Variants in FERMT1 observed in about 807,000 individuals in gnomAD.
FERMT1 encodes FERM domain containing kindlin 1.
A neutral mutation model predicts 85.3 loss-of-function variants in FERMT1; 60 were observed. That is an observed-to-expected ratio of 0.70 (90% CI 0.57 to 0.87). FERMT1 has a LOEUF of 0.87. FERMT1 is among the 40% of genes least tolerant of loss of function. FERMT1 has a pLI of 0.00. For synonymous variants in FERMT1, 275 were observed against 301.1 expected (o/e 0.91, Z 0.90); for missense variants, 701 against 818.9 (o/e 0.86, Z 1.76).
chr20:6,117,590 T>C (rs190049584), intron 2 of FERMT1, among the ~76,000 whole-genome samples: 1 of 152,286 alleles, frequency 6.6e-6, no homozygotes, highest in East Asian at 1.9e-4. Flanking sequence ...CGCACCACCA[T>C]GCCCAGCTAA....
chr20:6,094,861 T>C, intron 9 of FERMT1, 78 bp downstream of exon 9: 1 of 862,114 alleles, frequency 1.2e-6, no homozygotes. Context: ...CTCAGGGATA[T>C]ATAATTTAAA....
In FERMT1 at chr20:6,110,308, G is replaced by T. The variant is rs748202247; in HGVS notation, c.736C>A (p.Leu246Ile). 19 of 1,612,370 alleles carry T rather than the reference G, an allele frequency of 1.2e-5. No individual in the cohort carries two copies. In the East Asian group the frequency reaches 4.0e-4, roughly 34 times the overall value. Residue 246 changes from leucine (L) to isoleucine (I), a missense_variant, in exon 5 of 15, where the codon CTC becomes ATC. Coordinates refer to ENST00000217289, the MANE Select transcript of FERMT1 (RefSeq NM_017671.5). ...QPRSLVDKAK[L>I]NAGWLDSSRS... Reference sequence around the variant, plus strand: ...GAGCCGTGTCCTTACCCTGCATTGAGCTTGGCTTTATCAACCAGAGACCGA... The same window carrying T: ...GAGCCGTGTCCTTACCCTGCATTGATCTTGGCTTTATCAACCAGAGACCGA...
Position 6,076,767 on chromosome 20 carries a change from A to G in FERMT1, c.*406T>C. On this transcript the variant is annotated 3_prime_UTR_variant, in exon 15 of 15. Coordinates refer to ENST00000217289, the MANE Select transcript of FERMT1 (RefSeq NM_017671.5). ...TTCATACCTGAGTTTGTGAAATAAG[A>G]GTTGTTCTTGCTACACGTGATTTTT... The G allele has an allele frequency of 6.0e-6, 2 of 334,988 alleles. No individual in the cohort carries two copies. Among genetic ancestry groups the G allele is most frequent in the Non-Finnish European group, 1.2e-5 (2 of 171,960 alleles). 20.8% of individuals were successfully genotyped at this position (334,988 alleles called of 1,614,324 possible). A position where few individuals can be genotyped will look rare whatever the true frequency, so the allele number is the denominator to read the frequency against.
chr20:6,085,740 C>T (rs1982161367), intron 11 of FERMT1, among the ~76,000 whole-genome samples: 1 of 151,886 alleles, frequency 6.6e-6, no homozygotes, highest in African/African-American at 2.4e-5. Context: ...ATCCCAGCTA[C>T]TTGGGAGGCT....
At chr20:6,117,840 T>C (rs1381713829) in intron 2 of FERMT1, among the ~76,000 whole-genome samples, 2 of 149,774 alleles carry the variant, frequency 1.3e-5, no homozygotes, top group African/African-American at 5.0e-5. Flanking sequence ...TTTTGTATTT[T>C]TAGTAGAGAT....
rs192193662 is a variant in FERMT1 at position 6,113,070 on chromosome 20, G to A, written c.386-447C>T. Among the ~76,000 whole-genome samples, 599 of 152,146 alleles carry A rather than the reference G, an allele frequency of 3.9e-3. 4 individuals are homozygous for A. The highest frequency in any genetic ancestry group is 0.014 in the African/African-American group (579 of 41,472). On this transcript the variant is annotated intron_variant, in intron 3 of 14. Coordinates refer to ENST00000217289, the MANE Select transcript of FERMT1 (RefSeq NM_017671.5). The stretch of plus-strand genomic sequence containing the variant: ...TCTTGAATTCCCATGTGTTGTCAGA[G>A]GGGCCCAGTGGGAGGTAATTGAATC...
chr20:6,105,494 T>C (rs1982773702), intron 6 of FERMT1, among the ~76,000 whole-genome samples: 1 of 152,248 alleles, frequency 6.6e-6, no homozygotes, highest in South Asian at 2.1e-4. Context: ...TTGTTCCTTC[T>C]GTATGCCAGT....
In FERMT1 at chr20:6,076,021, A is replaced by G; in HGVS notation, c.*1152T>C. 1 of 155,706 alleles carries G rather than the reference A, an allele frequency of 6.4e-6. No individual in the cohort carries two copies. Among genetic ancestry groups the G allele is most frequent in the Non-Finnish European group, 1.4e-5 (1 of 70,182 alleles). The allele number at this position is 155,706 out of a possible 1,614,324, so 9.6% of individuals were successfully genotyped here. On this transcript the variant is annotated 3_prime_UTR_variant, in exon 15 of 15. Coordinates refer to ENST00000217289, the MANE Select transcript of FERMT1 (RefSeq NM_017671.5). ...AGGCAGAGATGACACAGCAAAAAAC[A>G]GAGGGGGAGAAAAAAGTCTATTATT...
intron 14 of FERMT1, among the ~76,000 whole-genome samples, chr20:6,078,646 G>GTTT (rs71867735): frequency 3.4e-5 from 4 of 117,422 alleles, no homozygotes; most frequent in African/African-American, 8.7e-5. Context: ...TTTTTTTTTT[G>GTTT]TTTTTTTTTT....
chr20:6,119,671 A>T (rs1180298607), intron 1 of FERMT1, 99 bp from the exon 2 acceptor site: 1 of 947,670 alleles, frequency 1.1e-6, no homozygotes, highest in African/African-American at 1.6e-5. Context: ...TTTGTTTTTC[A>T]TTGTAACCTC....
intron 8 of FERMT1, among the ~76,000 whole-genome samples, chr20:6,096,247 C>T (rs745545841): frequency 6.6e-6 from 1 of 152,098 alleles, no homozygotes; most frequent in Non-Finnish European, 1.5e-5. Context: ...TTTTCTTGGC[C>T]GGTCACAGTG....
At chr20:6,121,166 A>G (rs1169709767) in intron 1 of FERMT1, among the ~76,000 whole-genome samples, 9 of 152,186 alleles carry the variant, frequency 5.9e-5, no homozygotes, top group Admixed American at 5.9e-4. Context: ...TCTGTCACCC[A>G]GGCTGGAGTG....
In FERMT1 at chr20:6,077,065, A is replaced by G; in HGVS notation, c.*108T>C. The stretch of plus-strand genomic sequence containing the variant: ...GATCTGGGTGACCAGCGGTGAATGT[A>G]TGTTGTCTGTTAGTCCAGAATCTAC... On this transcript the variant is annotated 3_prime_UTR_variant, in exon 15 of 15. Transcript: ENST00000217289. 1.8e-6 allele frequency: 2 copies of G among 1,090,700 alleles called. No individual in the cohort carries two copies. Among genetic ancestry groups the G allele is most frequent in the Non-Finnish European group, 1.4e-6 (1 of 707,600 alleles). 67.6% of individuals were successfully genotyped at this position (1,090,700 alleles called of 1,614,324 possible). A position where few individuals can be genotyped will look rare whatever the true frequency, so the allele number is the denominator to read the frequency against.
chr20:6,093,573 G>T (rs1016532782), intron 9 of FERMT1, among the ~76,000 whole-genome samples: 26 of 152,332 alleles, frequency 1.7e-4, no homozygotes, highest in African/African-American at 6.0e-4. Context: ...AGATGTACTT[G>T]TGGATTCAAA....
chr20:6,103,828 C>G (rs1416431600), intron 6 of FERMT1, among the ~76,000 whole-genome samples: 1 of 120,404 alleles, frequency 8.3e-6, no homozygotes, highest in South Asian at 2.8e-4. Flanking sequence ...ATGTACCAAT[C>G]TTTTCTGGAT....
At chr20:6,105,761 C>A (rs764371037) in intron 6 of FERMT1, among the ~76,000 whole-genome samples, 2 of 152,158 alleles carry the variant, frequency 1.3e-5, no homozygotes. Flanking sequence ...TCTTGGCCTA[C>A]AGTAGTTGCT....
chr20:6,121,460 A>ATTCTG (rs1213348017), intron 1 of FERMT1, among the ~76,000 whole-genome samples: 18 of 145,598 alleles, frequency 1.2e-4, no homozygotes, highest in African/African-American at 4.6e-4. Flanking sequence ...CAACGATGCA[A>ATTCTG]TGCATCTCCT....
chr20:6,092,292 C>G (rs1485972440), intron 9 of FERMT1, among the ~76,000 whole-genome samples: 1 of 152,104 alleles, frequency 6.6e-6, no homozygotes, highest in Admixed American at 6.5e-5. Context: ...TGCCTGGAAT[C>G]CCAGGACTTT....
intron 12 of FERMT1, 105 bp downstream of exon 12, chr20:6,084,961 G>A: frequency 8.9e-7 from 1 of 1,125,250 alleles, no homozygotes; most frequent in Admixed American, 1.8e-5. Context: ...CCAAAGTGCT[G>A]GAATTACAGG....
Sources: allele counts gnomAD v4.1 joint callset (sites outside exome capture counted in the v4.1 genomes callset), GRCh38; gene constraint gnomAD v4.1.1; transcripts MANE v1.5; gene names NCBI Gene and HGNC (gene_info 2026-07-23, HGNC 2026-07-21).